Variants in CSF2RA observed in about 807,000 individuals in gnomAD.
The protein encoded by CSF2RA is colony stimulating factor 2 receptor subunit alpha.
In CSF2RA, 42 loss-of-function variants were observed where a neutral mutation model predicts 51.6. The ratio of observed to expected loss-of-function variants is 0.81; its 90% CI spans 0.64 to 1.05. The LOEUF is 1.05. Among genes scored for constraint, CSF2RA ranks in the 50% least tolerant of loss-of-function variants. The pLI is 0.00. For missense variants in CSF2RA, 530 were observed against 501.1 expected (o/e 1.06, Z -0.55); for synonymous variants, 222 against 193.0 (o/e 1.15, Z -1.24).
At chrX:1,323,917 G>C in the CSF2RA span, among the ~76,000 whole-genome samples, 1 of 152,008 alleles carries the variant, frequency 6.6e-6, no homozygotes, top group Admixed American at 6.6e-5. Context: ...GGGAGGCTGA[G>C]GCAGGAGAAT....
intron 1 of CSF2RA, among the ~76,000 whole-genome samples, chrX:1,270,041 G>A (rs1270934950): frequency 1.4e-4 from 22 of 151,964 alleles, no homozygotes; most frequent in African/African-American, 4.3e-4. Context: ...CCCGGGAGGC[G>A]GAGGTTGCAG....
intron 9 of CSF2RA, among the ~76,000 whole-genome samples, chrX:1,298,999 T>C (rs1294688975): frequency 9.9e-5 from 15 of 152,158 alleles, no homozygotes; most frequent in Non-Finnish European, 2.9e-5. Context: ...TATGGGACTC[T>C]TAGTGCCAGT....
the CSF2RA span, among the ~76,000 whole-genome samples, chrX:1,320,537 AC>A: frequency 7.1e-6 from 1 of 141,232 alleles, no homozygotes; most frequent in Admixed American, 7.4e-5. Flanking sequence ...TTACTCTGTC[AC>A]CCAGGCCGGA....
intron 4 of CSF2RA, among the ~76,000 whole-genome samples, chrX:1,286,805 C>T (rs2090729351): frequency 6.6e-6 from 1 of 152,160 alleles, no homozygotes; most frequent in Middle Eastern, 3.4e-3. Flanking sequence ...TTGGATGTGC[C>T]CCTGGGTCTG....
Position 1,290,372 on chromosome X carries a change from A to C in CSF2RA, c.509A>C (p.Gln170Pro). Reference protein sequence around the residue: ...RREIRCPYYIQDSGTHVGCHL... With the variant: ...RREIRCPYYIPDSGTHVGCHL... ...GAGATCCGGTGTCCTTATTACATACAAGACTCAGGAACCCATGTGGGATGT... is the reference window on the plus strand; with the variant it reads ...GAGATCCGGTGTCCTTATTACATACCAGACTCAGGAACCCATGTGGGATGT... Residue 170 changes from glutamine to proline, a missense_variant, in exon 7 of 13, where the codon CAA (glutamine) becomes CCA (proline). Transcript: ENST00000381529. 6.8e-6 allele frequency: 11 copies of C among 1,613,696 alleles called. No homozygotes were observed. Among genetic ancestry groups the C allele is most frequent in the Non-Finnish European group, 8.5e-6 (10 of 1,179,706 alleles).
chrX:1,314,473 A>ACTGC (rs2084386037), downstream of CSF2RA, among the ~76,000 whole-genome samples: 4 of 143,300 alleles, frequency 2.8e-5, no homozygotes, highest in Admixed American at 6.9e-5. Context: ...GCCCAACCCC[A>ACTGC]ATGCACCTAC....
intron 9 of CSF2RA, 59 bp downstream of exon 9, chrX:1,295,515 C>A (rs1212682121): frequency 2.0e-6 from 3 of 1,496,778 alleles, no homozygotes; most frequent in Non-Finnish European, 2.8e-6. Flanking sequence ...GTCCCCTACT[C>A]ACCACACCTA....
intron 1 of CSF2RA, among the ~76,000 whole-genome samples, chrX:1,269,936 C>T (rs2088153314): frequency 6.6e-6 from 1 of 151,980 alleles, no homozygotes; most frequent in Non-Finnish European, 1.5e-5. Flanking sequence ...GGCAAAACCA[C>T]ACCTTTATTA....
rs144715048 is a variant in CSF2RA, at chrX:1,307,990, C to G, written c.1126-1412C>G. ...TTAGACCTTCAGCTTATTAATTAGA[C>G]AAGGCCCACCCCCTTTAGACCTTCA... On this transcript the variant is annotated intron_variant, in intron 12 of 12. Transcript: ENST00000381529. 6.6e-3 allele frequency among the ~76,000 whole-genome samples: 997 copies of G among 149,948 alleles called. 14 individuals carry two copies. The highest frequency in any genetic ancestry group is 0.024 in the African/African-American group (963 of 40,844).
intron 2 of CSF2RA, chrX:1,282,471 C>G: frequency 1.6e-6 from 1 of 618,516 alleles, no homozygotes; most frequent in Non-Finnish European, 2.9e-6. Context: ...TCTTGAGATG[C>G]CAAAGATGTC....
At chrX:1,317,246 C>CTTTTTTTATTTTTAT in the CSF2RA span, among the ~76,000 whole-genome samples, 1 of 57,828 alleles carries the variant, frequency 1.7e-5, no homozygotes, top group Non-Finnish European at 2.9e-5. Context: ...CCACGCTCAG[C>CTTTTTTTATTTTTAT]TTTTTTTTTT....
chrX:1,315,191 G>C (rs1271316399), downstream of CSF2RA, among the ~76,000 whole-genome samples: 2 of 152,042 alleles, frequency 1.3e-5, no homozygotes, highest in African/African-American at 2.4e-5. Context: ...AGGGAGGGGA[G>C]ACAGATTCTA....
In CSF2RA at chrX:1,288,801, A is replaced by G; in HGVS notation, c.386A>G (p.Tyr129Cys). Reference protein sequence around the residue: ...TAAQNFSCFIYNADLMNCTWA... With the variant: ...TAAQNFSCFICNADLMNCTWA... ...GCTCAGAATTTCTCCTGTTTCATCT[A>G]CAATGCGGATTTAATGAACTGTACC... Residue 129 changes from tyrosine to cysteine, a missense_variant, in exon 6 of 13, where the codon TAC (tyrosine) becomes TGC (cysteine). By Grantham distance (194) the Tyr-to-Cys change is radical. Coordinates refer to ENST00000381529, the MANE Select transcript of CSF2RA (RefSeq NM_172245.4). 6.2e-7 allele frequency: 1 copy of G among 1,613,904 alleles called. No individual in the cohort carries two copies. Among genetic ancestry groups the G allele is most frequent in the Non-Finnish European group, 8.5e-7 (1 of 1,179,854 alleles).
intron 12 of CSF2RA, among the ~76,000 whole-genome samples, chrX:1,307,583 A>G (rs2083737989): frequency 6.7e-6 from 1 of 148,730 alleles, no homozygotes; most frequent in South Asian, 2.1e-4. Context: ...GATGAGGCCC[A>G]CCCTTCCCCC....
At chrX:1,288,213 G>A (rs2090988044) in intron 4 of CSF2RA, among the ~76,000 whole-genome samples, 1 of 151,752 alleles carries the variant, frequency 6.6e-6, no homozygotes. Context: ...CGGGCATGGT[G>A]GCTCACGCCT....
the CSF2RA span, among the ~76,000 whole-genome samples, chrX:1,319,881 A>ATTTG: frequency 0.02 from 2,909 of 147,384 alleles, 91 homozygotes; most frequent in African/African-American, 0.065. Flanking sequence ...CGCCTGGCTA[A>ATTTG]TTTGTTTGTT....
At chrX:1,291,728 C>T (rs1394951769) in intron 7 of CSF2RA, among the ~76,000 whole-genome samples, 2 of 152,096 alleles carry the variant, frequency 1.3e-5, no homozygotes, top group Admixed American at 6.6e-5. Context: ...CCACTTGGAC[C>T]CAGTGTAGAC....
the CSF2RA span, among the ~76,000 whole-genome samples, chrX:1,321,362 G>A: frequency 4.6e-5 from 7 of 152,072 alleles, no homozygotes; most frequent in South Asian, 2.1e-4. Flanking sequence ...CCAGCTACTC[G>A]GGAGGCTGAG....
rs564758164 is a variant in CSF2RA, at chrX:1,272,556, C to G, written c.-90-2199C>G. On this transcript the variant is annotated intron_variant, in intron 1 of 12. Coordinates refer to ENST00000381529, the MANE Select transcript of CSF2RA (RefSeq NM_172245.4). Reference sequence around the variant, plus strand: ...AGGCTGGAGTGCAGTGGTGCGATCTCAGCTCACTGCAACCTCCACCTCCTG... The same window carrying G: ...AGGCTGGAGTGCAGTGGTGCGATCTGAGCTCACTGCAACCTCCACCTCCTG... Among the ~76,000 whole-genome samples, 13 of 151,842 alleles carry G rather than the reference C, an allele frequency of 8.6e-5. No homozygotes were observed. The South Asian group carries it at 2.7e-3, about 32-fold the overall frequency.
Sources: allele counts gnomAD v4.1 joint callset (sites outside exome capture counted in the v4.1 genomes callset), GRCh38; gene constraint gnomAD v4.1.1; transcripts MANE v1.5; gene names NCBI Gene and HGNC (gene_info 2026-07-23, HGNC 2026-07-21).